SETBP1: variants seen among roughly 807,000 people sequenced by gnomAD.
SETBP1 encodes SET binding protein 1.
A neutral mutation model predicts 101.0 loss-of-function variants in SETBP1; 9 were observed. The ratio of observed to expected loss-of-function variants is 0.09; its 90% confidence interval spans 0.05 to 0.16. The LOEUF (loss-of-function observed/expected upper bound fraction) is 0.16. Among genes scored for constraint, SETBP1 ranks in the 10% least tolerant of loss-of-function variants. The probability of loss-of-function intolerance (pLI) is 1.00; values close to 1 mark genes in which losing one functional copy is unlikely to be tolerated. For synonymous variants in SETBP1, 818 were observed against 788.5 expected, an observed-to-expected ratio of 1.04 and a Z score of -0.63; for missense variants, 1,858 against 2,033.8, an observed-to-expected ratio of 0.91 and a Z score of 1.66.
chr18:44,887,199 T>C (rs140032872), intron 3 of SETBP1, among the ~76,000 whole-genome samples: 10 of 152,130 alleles, frequency 6.6e-5, no homozygotes, highest in Admixed American at 5.9e-4. Context: ...CAATGTAAAG[T>C]GCATGATACA....
intron 2 of SETBP1, among the ~76,000 whole-genome samples, chr18:44,837,149 A>G (rs1342426169): frequency 1.3e-5 from 2 of 152,214 alleles, no homozygotes; most frequent in East Asian, 1.9e-4. Context: ...AGCCAAGGAT[A>G]CAAGTCCCTG....
intron 4 of SETBP1, among the ~76,000 whole-genome samples, chr18:44,978,303 T>G (rs1006735643): frequency 6.6e-6 from 1 of 152,158 alleles, no homozygotes; most frequent in Non-Finnish European, 1.5e-5. Flanking sequence ...TTTTTTTTAT[T>G]CCGACTGCAG....
chr18:44,714,261 C>T (rs537483338), intron 2 of SETBP1, among the ~76,000 whole-genome samples: 6 of 152,106 alleles, frequency 3.9e-5, no homozygotes, highest in Admixed American at 2.6e-4. Flanking sequence ...TGCAGTGGCA[C>T]GATTTCCGCT....
chr18:44,791,017 A>C (rs1004345535), intron 2 of SETBP1, among the ~76,000 whole-genome samples: 4 of 152,220 alleles, frequency 2.6e-5, no homozygotes, highest in Admixed American at 2.6e-4. Context: ...CTGGGAATAC[A>C]CAGGCTGAGC....
In SETBP1 at chr18:45,038,479, T is replaced by C. The variant is rs1289430441; in HGVS notation, c.4001-6T>C. 2 of 1,614,026 alleles carry C rather than the reference T, an allele frequency of 1.2e-6. No individual in the cohort carries two copies. The highest frequency in any genetic ancestry group is 3.3e-5 in the Admixed American group (2 of 60,004). On this transcript the variant is annotated splice_region_variant and splice_polypyrimidine_tract_variant and intron_variant, in intron 4 of 5. Coordinates refer to ENST00000649279, the MANE Select transcript of SETBP1 (RefSeq NM_015559.3). ...GACTGAAAGCTTTGGGGTTGTTATT[T>C]TTTAGGGATGCCAAGTCCCCACTTA...
rs561785681 is a variant in SETBP1, at chr18:44,790,093, A to T, written c.487-79137A>T. On this transcript the variant is annotated intron_variant, in intron 2 of 5. Transcript: ENST00000649279. ...CTGCTGCACAGATTACAGTTCTGTG[A>T]TCCCTGCAGGAAGAACAGGCTGTGT... Among the ~76,000 whole-genome samples the T allele has an allele frequency of 5.9e-5, 9 of 152,276 alleles. No homozygotes were observed. In the East Asian group the frequency reaches 1.7e-3, roughly 29 times the overall value.
intron 3 of SETBP1, among the ~76,000 whole-genome samples, chr18:44,948,018 C>T (rs562892264): frequency 1.0e-3 from 156 of 152,278 alleles, no homozygotes; most frequent in Middle Eastern, 3.4e-3. Context: ...GTAAGTGGCA[C>T]TTAATATTTT....
At chr18:45,036,343 A>G (rs1365278644) in intron 4 of SETBP1, among the ~76,000 whole-genome samples, 1 of 151,912 alleles carries the variant, frequency 6.6e-6, no homozygotes, top group Non-Finnish European at 1.5e-5. Context: ...AAAAAAAAAA[A>G]AAAAAAGGCT....
intron 2 of SETBP1, among the ~76,000 whole-genome samples, chr18:44,800,105 C>T (rs1235328827): frequency 6.6e-6 from 1 of 152,104 alleles, no homozygotes; most frequent in Non-Finnish European, 1.5e-5. Context: ...GTGTGATGGG[C>T]AGGGAAATTG....
chr18:44,779,963 CACACACACACGCATGT>C (rs1384906876), intron 2 of SETBP1, among the ~76,000 whole-genome samples: 1 of 151,820 alleles, frequency 6.6e-6, no homozygotes, highest in Non-Finnish European at 1.5e-5. Context: ...CACACGCATG[CACACACACACGCATGT>C]GCACACTCAC....
chr18:44,968,390 A>G (rs752350354), intron 4 of SETBP1, among the ~76,000 whole-genome samples: 2 of 152,182 alleles, frequency 1.3e-5, no homozygotes, highest in African/African-American at 2.4e-5. Context: ...AAATGGTTCA[A>G]TGTGATAAGT....
At chr18:44,744,786 A>AC (rs1047374366) in intron 2 of SETBP1, among the ~76,000 whole-genome samples, 37 of 150,512 alleles carry the variant, frequency 2.5e-4, no homozygotes, top group South Asian at 1.0e-3. Context: ...AAAAAAACAA[A>AC]AAAAAAAACG....
chr18:44,712,183 C>T (rs1176762025), intron 2 of SETBP1, among the ~76,000 whole-genome samples: 1 of 152,168 alleles, frequency 6.6e-6, no homozygotes, highest in Non-Finnish European at 1.5e-5. Flanking sequence ...GGTTCCCTCC[C>T]TCCCCCACCA....
chr18:44,721,812 G>A (rs1035621916), intron 2 of SETBP1, among the ~76,000 whole-genome samples: 8 of 152,200 alleles, frequency 5.3e-5, no homozygotes, highest in Non-Finnish European at 1.2e-4. Flanking sequence ...GGGGGAAGAG[G>A]GCAATGGTGT....
intron 2 of SETBP1, among the ~76,000 whole-genome samples, chr18:44,796,346 C>T (rs1371104313): frequency 6.6e-6 from 1 of 152,172 alleles, no homozygotes; most frequent in East Asian, 1.9e-4. Context: ...CGGTTCCTGC[C>T]TATTGCGCTA....
chr18:44,964,382 T>C (rs574602397), intron 4 of SETBP1, among the ~76,000 whole-genome samples: 65 of 152,164 alleles, frequency 4.3e-4, no homozygotes, highest in African/African-American at 1.4e-3. Flanking sequence ...CCTGGGCAGC[T>C]CTAAATATGT....
chr18:44,783,074 T>C (rs1462036105), intron 2 of SETBP1, among the ~76,000 whole-genome samples: 3 of 152,200 alleles, frequency 2.0e-5, no homozygotes, highest in African/African-American at 7.2e-5. Flanking sequence ...AAAAGGTTTA[T>C]TTTCTCCCAT....
chr18:44,987,317 T>G (rs1448236584), intron 4 of SETBP1: 3 of 152,198 alleles, frequency 2.0e-5, no homozygotes, highest in Admixed American at 6.5e-5. Flanking sequence ...CACACATGTT[T>G]GAGACAGACA....
chr18:44,951,040 C>T lies in SETBP1; in HGVS notation c.1700C>T (p.Ser567Phe), dbSNP rs966735327. Residue 567 changes from serine (S) to phenylalanine (F), a missense_variant, in exon 4 of 6, where the codon TCC becomes TTC. Ser to Phe is a radical substitution (Grantham distance 155). Coordinates refer to ENST00000649279, the MANE Select transcript of SETBP1 (RefSeq NM_015559.3). The surrounding 1 kb of genome is among the most constrained non-coding windows in gnomAD (Gnocchi z 7.8). Reference sequence around the variant, plus strand: ...CCGTCTGCATATCCCATCACCCCATCCAGCCCTCTCTACACCAACACAGAC... The same window carrying T: ...CCGTCTGCATATCCCATCACCCCATTCAGCCCTCTCTACACCAACACAGAC... ...EPPSAYPITP[S>F]SPLYTNTDSL... The T allele has an allele frequency of 5.6e-6, 9 of 1,613,978 alleles. No individual in the cohort carries two copies. The East Asian group carries it at 1.6e-4, about 28-fold the overall frequency.
Sources: allele counts gnomAD v4.1 joint callset (sites outside exome capture counted in the v4.1 genomes callset), GRCh38; gene constraint gnomAD v4.1.1; non-coding constraint Gnocchi (gnomAD v3.1); transcripts MANE v1.5; gene names NCBI Gene and HGNC (gene_info 2026-07-23, HGNC 2026-07-21).